Variants in HIRA observed in about 807,000 individuals in gnomAD.
HIRA encodes the protein protein HIRA.
Under a neutral mutation model 126.6 loss-of-function variants are expected in HIRA, and 13 were observed. That is an observed-to-expected ratio of 0.10 (90% confidence interval 0.07 to 0.16). HIRA has a LOEUF of 0.16. HIRA is among the 10% of genes least tolerant of loss of function. The probability of loss-of-function intolerance (pLI) is 1.00; values close to 1 mark genes in which losing one functional copy is unlikely to be tolerated. For missense variants in HIRA, 834 were observed against 1,314.4 expected (o/e 0.63, Z 5.65); for synonymous variants, 511 against 520.0 (o/e 0.98, Z 0.24).
At chr22:19,409,197 CA>C (rs1175039013) in intron 2 of HIRA, among the ~76,000 whole-genome samples, 2 of 152,114 alleles carry the variant, frequency 1.3e-5, no homozygotes, top group Admixed American at 1.3e-4. Flanking sequence ...GAGAGACCAC[CA>C]AAAGAGGGGA....
intron 15 of HIRA, among the ~76,000 whole-genome samples, chr22:19,363,144 C>A (rs1175842863): frequency 6.7e-6 from 1 of 148,886 alleles, no homozygotes; most frequent in Non-Finnish European, 1.5e-5. Flanking sequence ...TGAGGCAGGG[C>A]AATTGCTTGA....
At chr22:19,416,483 G>A (rs1282566487) in intron 1 of HIRA, among the ~76,000 whole-genome samples, 1 of 151,970 alleles carries the variant, frequency 6.6e-6, no homozygotes, top group Non-Finnish European at 1.5e-5. Flanking sequence ...ACCACGCCTG[G>A]TGCGCACCAC....
At chr22:19,420,692 G>A (rs1473465047) in intron 1 of HIRA, among the ~76,000 whole-genome samples, 1 of 150,750 alleles carries the variant, frequency 6.6e-6, no homozygotes, top group Non-Finnish European at 1.5e-5. Flanking sequence ...TCCATTCTGA[G>A]CGACAAAGTA....
At chr22:19,379,258 C>G (rs1034995056) in intron 13 of HIRA, among the ~76,000 whole-genome samples, 40 of 151,526 alleles carry the variant, frequency 2.6e-4, no homozygotes, top group African/African-American at 9.4e-4. Flanking sequence ...GTGATCCGCC[C>G]GCCTTGGCTT....
intron 11 of HIRA, among the ~76,000 whole-genome samples, 181 bp from the exon 12 acceptor site, chr22:19,385,917 T>A (rs1267717761): frequency 2.0e-5 from 3 of 152,190 alleles, no homozygotes; most frequent in African/African-American, 7.2e-5. Flanking sequence ...TCTGTTGATG[T>A]CTCATGCCCA....
chr22:19,398,117 T>C (rs1204141287), intron 5 of HIRA, 30 bp from the exon 6 acceptor site: 8 of 1,539,046 alleles, frequency 5.2e-6, no homozygotes, highest in Non-Finnish European at 7.2e-6. Flanking sequence ...TCTGGTGAGA[T>C]CTCTTACCTG....
chr22:19,387,034 C>G (rs2089133527), intron 11 of HIRA, among the ~76,000 whole-genome samples: 1 of 152,186 alleles, frequency 6.6e-6, no homozygotes, highest in African/African-American at 2.4e-5. Flanking sequence ...ACACAACCCA[C>G]CAAGTGGGGG....
chr22:19,429,133 CTTTTTTT>C (rs57853722), intron 1 of HIRA, among the ~76,000 whole-genome samples: 3 of 77,278 alleles, frequency 3.9e-5, no homozygotes, highest in Admixed American at 1.9e-4. Context: ...GTTGCCATAT[CTTTTTTT>C]TTTTTTTTTT....
At chr22:19,385,462 C>G (rs2146218111) in intron 12 of HIRA, 59 bp downstream of exon 12, 1 of 1,514,286 alleles carries the variant, frequency 6.6e-7, no homozygotes, top group East Asian at 2.3e-5. Context: ...GGTGTCTGCC[C>G]CTCACCCTGT....
chr22:19,373,937 T>TTTTTTTTTTTTTTTTTTTG (rs71186604), intron 15 of HIRA, among the ~76,000 whole-genome samples: 1 of 151,406 alleles, frequency 6.6e-6, no homozygotes. Context: ...CTGGCTTTTT[T>TTTTTTTTTTTTTTTTTTTG]GTTCACTCTT....
chr22:19,410,774 C>A lies in HIRA; in HGVS notation c.42G>T (p.Lys14Asn), dbSNP rs1029291515. 1.3e-5 allele frequency: 21 copies of A among 1,613,470 alleles called. No individual in the cohort carries two copies. The highest frequency in any genetic ancestry group is 1.7e-5 in the Non-Finnish European group (20 of 1,179,790). The change falls in exon 2 of 25, where the codon AAG (lysine) becomes AAT (asparagine). Residue 14 changes from lysine (K) to asparagine (N), a missense_variant. By Grantham distance (94) the Lys-to-Asn change is moderately conservative. Coordinates refer to ENST00000263208, the MANE Select transcript of HIRA (RefSeq NM_003325.4). ...LKPTWVNHNG[K>N]PIFSVDIHPD... Reference sequence around the variant, plus strand: ...GGTGAATATCAACTGAAAAAATCGGCTTGCCTGGAAACAAAGAAAAAAAAA... The same window carrying A: ...GGTGAATATCAACTGAAAAAATCGGATTGCCTGGAAACAAAGAAAAAAAAA...
chr22:19,406,058 A>T (rs2089305608), intron 4 of HIRA, among the ~76,000 whole-genome samples, 178 bp from the exon 5 acceptor site: 1 of 152,228 alleles, frequency 6.6e-6, no homozygotes, highest in African/African-American at 2.4e-5. Context: ...CATGCACTTG[A>T]TGAAATACTA....
At chr22:19,336,273 A>G (rs551701073) in intron 24 of HIRA, among the ~76,000 whole-genome samples, 1 of 152,332 alleles carries the variant, frequency 6.6e-6, no homozygotes, top group Non-Finnish European at 1.5e-5. Context: ...CAGTAATTTG[A>G]GTAGAGAATT....
intron 24 of HIRA, among the ~76,000 whole-genome samples, chr22:19,339,290 G>A (rs1380830228): frequency 6.6e-6 from 1 of 152,126 alleles, no homozygotes; most frequent in Non-Finnish European, 1.5e-5. Context: ...CTGGGACACA[G>A]CAAAAGTGGT....
chr22:19,376,530 C>G (rs2089020744), intron 14 of HIRA, among the ~76,000 whole-genome samples: 1 of 152,218 alleles, frequency 6.6e-6, no homozygotes, highest in Non-Finnish European at 1.5e-5. Flanking sequence ...CATTCTTCTC[C>G]TCCATGATCT....
At chr22:19,430,168 G>A (rs1247218343) in intron 1 of HIRA, 1 of 152,226 alleles carries the variant, frequency 6.6e-6, no homozygotes, top group Non-Finnish European at 1.5e-5. Context: ...AGAAGGGACT[G>A]AGGCAGTCCC....
At position 19,353,624 on chromosome 22, in the gene HIRA, A is replaced by G; in HGVS notation, c.2685-105T>C. On this transcript the variant is annotated intron_variant, in intron 22 of 24. Transcript: ENST00000263208. Reference sequence around the variant, plus strand: ...AAGGAGCTGGCAGGAGGCAGGCACCAGGGCTGCCAAGGCCTCCCGTCCACT... The same window carrying G: ...AAGGAGCTGGCAGGAGGCAGGCACCGGGGCTGCCAAGGCCTCCCGTCCACT... 4 of 1,147,578 alleles carry G rather than the reference A, an allele frequency of 3.5e-6. No individual in the cohort carries two copies. In the South Asian group the frequency reaches 4.8e-5, roughly 14 times the overall value. 71.1% of individuals were successfully genotyped at this position (1,147,578 alleles called of 1,614,324 possible).
chr22:19,390,158 A>T (rs907130597), intron 9 of HIRA, among the ~76,000 whole-genome samples: 2 of 152,098 alleles, frequency 1.3e-5, no homozygotes, highest in South Asian at 2.1e-4. Flanking sequence ...TGAGAAACTT[A>T]ACCCTTCAGG....
rs186421790 is a variant in HIRA at position 19,402,584 on chromosome 22, A to G, written c.397+3202T>C. On this transcript the variant is annotated intron_variant, in intron 5 of 24. Coordinates refer to ENST00000263208, the MANE Select transcript of HIRA (RefSeq NM_003325.4). ...TTTTCAGTGCTTTATTTGTTCCAAG[A>G]GCTTTATCCCCCTATGGTTTTTCCT... is the stretch of plus-strand genomic sequence containing the variant. Among the ~76,000 whole-genome samples the G allele has an allele frequency of 8.5e-4, 130 of 152,330 alleles. 3 individuals carry two copies. The highest frequency in any genetic ancestry group is 7.8e-3 in the Admixed American group (120 of 15,300).
Sources: allele counts gnomAD v4.1 joint callset (sites outside exome capture counted in the v4.1 genomes callset), GRCh38; gene constraint gnomAD v4.1.1; transcripts MANE v1.5; gene names NCBI Gene and HGNC (gene_info 2026-07-23, HGNC 2026-07-21).